The following ABCA5 variants were observed in gnomAD, a reference collection of about 807,000 sequenced individuals.
ABCA5 encodes the protein cholesterol transporter ABCA5.
Under a neutral mutation model 206.0 loss-of-function variants are expected in ABCA5, and 163 were observed. That is an observed-to-expected ratio of 0.79 (90% CI 0.70 to 0.90). The LOEUF (loss-of-function observed/expected upper bound fraction) is 0.90, where lower values mean the gene tolerates loss of function less well. ABCA5 is among the 40% of genes least tolerant of loss of function. The pLI, the probability that ABCA5 is intolerant of heterozygous loss-of-function variation, is 0.00. For synonymous variants in ABCA5, 609 were observed against 613.8 expected, an observed-to-expected ratio of 0.99 and a Z score of 0.11; for missense variants, 1,859 against 1,912.9, an observed-to-expected ratio of 0.97 and a Z score of 0.53.
intron 23 of ABCA5, among the ~76,000 whole-genome samples, chr17:69,265,635 T>C (rs2075199393): frequency 6.6e-6 from 1 of 152,090 alleles, no homozygotes. Context: ...ATGAAAGAGC[T>C]GTCCACAGAG....
intron 1 of ABCA5, 97 bp from the exon 2 acceptor site, chr17:69,314,527 T>A: frequency 2.9e-6 from 2 of 688,480 alleles, no homozygotes; most frequent in East Asian, 5.3e-5. Flanking sequence ...CAGTCCCAGG[T>A]AAGATGGATT....
intron 24 of ABCA5, among the ~76,000 whole-genome samples, chr17:69,264,216 A>C (rs2075182854): frequency 6.6e-6 from 1 of 152,130 alleles, no homozygotes; most frequent in African/African-American, 2.4e-5. Context: ...GAATTCCTTC[A>C]CCAATGTTTT....
At chr17:69,277,384 A>C (rs2075344838) in intron 19 of ABCA5, among the ~76,000 whole-genome samples, 1 of 152,220 alleles carries the variant, frequency 6.6e-6, no homozygotes. Context: ...GTAATTAAAA[A>C]ATTATACAAT....
At chr17:69,265,817 CA>C (rs1460130425) in intron 23 of ABCA5, among the ~76,000 whole-genome samples, 1 of 152,172 alleles carries the variant, frequency 6.6e-6, no homozygotes, top group Non-Finnish European at 1.5e-5. Flanking sequence ...AAACTTTTGT[CA>C]TTCACACACT....
chr17:69,294,026 CT>C (rs1357807235), intron 11 of ABCA5, among the ~76,000 whole-genome samples: 4 of 152,054 alleles, frequency 2.6e-5, no homozygotes, highest in African/African-American at 7.3e-5. Flanking sequence ...TTGAAAAACC[CT>C]ACGATAGGCC....
In ABCA5 at chr17:69,303,815, T is replaced by C. The variant is rs374404429; in HGVS notation, c.930+854A>G. The stretch of plus-strand genomic sequence containing the variant: ...ATATATATATATATATATACATACA[T>C]ATATATATATGTATATATATATATA... On this transcript the variant is annotated intron_variant, in intron 7 of 38. Coordinates refer to ENST00000392676, the MANE Select transcript of ABCA5 (RefSeq NM_172232.4). 0.017 allele frequency among the ~76,000 whole-genome samples: 122 copies of C among 7,228 alleles called. 23 individuals carry two copies. The South Asian group carries it at 0.33, about 20-fold the overall frequency. The allele number at this position is 7,228 out of a possible 152,430, so 4.7% of individuals were successfully genotyped here.
At chr17:69,325,672 G>A (rs1026956829) in intron 1 of ABCA5, 1 of 152,042 alleles carries the variant, frequency 6.6e-6, no homozygotes, top group Non-Finnish European at 1.5e-5. Context: ...GCAAGACTTC[G>A]TCTCTGAAAA....
In ABCA5 at chr17:69,309,363, G is replaced by A. The variant is rs369806150; in HGVS notation, c.368C>T (p.Pro123Leu). The A allele has an allele frequency of 1.4e-5, 23 of 1,602,378 alleles. 1 individual carries two copies. Among genetic ancestry groups the A allele is most frequent in the African/African-American group, 1.2e-4 (9 of 74,190 alleles). ...KEMLTSSLSK[P>L]SNFVGVVFKD... ...GAAAACCACACCTACAAAGTTGCTC[G>A]GCTTAGAGAGACTGGATGTTAACAT... Residue 123 changes from proline (P) to leucine (L), a missense_variant, in exon 4 of 39, where the codon CCG becomes CTG. Physicochemically the swap from Pro to Leu is moderately conservative, Grantham distance 98. Coordinates refer to ENST00000392676, the MANE Select transcript of ABCA5 (RefSeq NM_172232.4).
intron 1 of ABCA5, among the ~76,000 whole-genome samples, chr17:69,320,127 C>T (rs930394931): frequency 4.6e-5 from 7 of 151,880 alleles, no homozygotes; most frequent in Non-Finnish European, 8.8e-5. Flanking sequence ...ACATTGATCA[C>T]GATTGTGTAT....
At chr17:69,275,821 G>A (rs1238371927) in intron 19 of ABCA5, among the ~76,000 whole-genome samples, 1 of 152,170 alleles carries the variant, frequency 6.6e-6, no homozygotes, top group African/African-American at 2.4e-5. Context: ...ATGGCATCAT[G>A]AGGGTGGGGT....
chr17:69,301,841 A>C (rs2075655510), intron 8 of ABCA5, among the ~76,000 whole-genome samples: 1 of 152,178 alleles, frequency 6.6e-6, no homozygotes, highest in African/African-American at 2.4e-5. Context: ...ATACGCTTTA[A>C]TTATACTATT....
chr17:69,309,705 G>A (rs2075751796), intron 3 of ABCA5, among the ~76,000 whole-genome samples: 1 of 152,084 alleles, frequency 6.6e-6, no homozygotes, highest in Non-Finnish European at 1.5e-5. Context: ...GCCAGGTGTA[G>A]TGATGTGTGC....
At chr17:69,248,882 T>C (rs2074981743) in intron 37 of ABCA5, 1 of 152,178 alleles carries the variant, frequency 6.6e-6, no homozygotes, top group African/African-American at 2.4e-5. Context: ...CATGCCACTA[T>C]ACCCGGGTAA....
At chr17:69,256,915 G>C (rs527932723) in intron 28 of ABCA5, among the ~76,000 whole-genome samples, 4 of 152,192 alleles carry the variant, frequency 2.6e-5, no homozygotes, top group Admixed American at 2.0e-4. Flanking sequence ...TTTACAACCT[G>C]AGTATAAATG....
intron 6 of ABCA5, among the ~76,000 whole-genome samples, chr17:69,305,699 C>T (rs1567779417): frequency 1.3e-5 from 2 of 151,988 alleles, no homozygotes; most frequent in African/African-American, 2.4e-5. Flanking sequence ...GCGAGACCCC[C>T]GTCCCTACAA....
At position 69,272,227 on chromosome 17, in the gene ABCA5, A is replaced by G. The variant is rs530388365; in HGVS notation, c.2765-938T>C. ...TGCAAGACCAGCTATGTACCCTGAG[A>G]AGAGAGACACATTATAAGTGAAGGA... On this transcript the variant is annotated intron_variant, in intron 20 of 38. Coordinates refer to ENST00000392676, the MANE Select transcript of ABCA5 (RefSeq NM_172232.4). Among the ~76,000 whole-genome samples the G allele has an allele frequency of 5.3e-5, 8 of 152,250 alleles. No individual in the cohort carries two copies. The East Asian group carries it at 1.4e-3, about 26-fold the overall frequency.
chr17:69,286,023 T>C lies in ABCA5; in HGVS notation c.2147A>G (p.Lys716Arg). The change falls in exon 17 of 39, where the codon AAA becomes AGA. Residue 716 changes from lysine (K) to arginine (R), a missense_variant. Coordinates refer to ENST00000392676, the MANE Select transcript of ABCA5 (RefSeq NM_172232.4). ...IGYRLSMYID[K>R]YCATESLSSL... ...AGAAAGAGATTCTGTGGCACAATATTTGTCTATGTACATGCTAGAGAATAC... is the reference window on the plus strand; with the variant it reads ...AGAAAGAGATTCTGTGGCACAATATCTGTCTATGTACATGCTAGAGAATAC... 1 of 1,611,782 alleles carries C rather than the reference T, an allele frequency of 6.2e-7. No individual in the cohort carries two copies. The highest frequency in any genetic ancestry group is 8.5e-7 in the Non-Finnish European group (1 of 1,179,272).
Position 69,247,617 on chromosome 17 carries a change from C to T in ABCA5, c.4849G>A (p.Glu1617Lys), listed in dbSNP as rs759632798. ...GTTCCACAACTATTATCTTCCTCCTCTTGTTCTTTAGTGAGTTCTACAAAA... is the reference window on the plus strand; with the variant it reads ...GTTCCACAACTATTATCTTCCTCCTTTTGTTCTTTAGTGAGTTCTACAAAA... ...QVFVELTKEQ[E>K]EEDNSCGTLN... The change falls in exon 39 of 39, where the codon GAG becomes AAG. Residue 1617 changes from glutamate (E) to lysine (K), a missense_variant. Transcript: ENST00000392676. 1 of 1,610,590 alleles carries T rather than the reference C, an allele frequency of 6.2e-7. No individual in the cohort carries two copies. The highest frequency in any genetic ancestry group is 1.7e-4 in the Middle Eastern group (1 of 6,046).
chr17:69,312,568 T>C (rs537958225), intron 3 of ABCA5, among the ~76,000 whole-genome samples: 1 of 152,252 alleles, frequency 6.6e-6, no homozygotes, highest in South Asian at 2.1e-4. Context: ...ATTTCTAGCT[T>C]CCTTTTTAAA....
Sources: allele counts gnomAD v4.1 joint callset (sites outside exome capture counted in the v4.1 genomes callset), GRCh38; gene constraint gnomAD v4.1.1; transcripts MANE v1.5; gene names NCBI Gene and HGNC (gene_info 2026-07-23, HGNC 2026-07-21).